The following ANXA2 variants were observed in gnomAD, a reference collection of about 807,000 sequenced individuals.
The protein encoded by ANXA2 is annexin A2.
In ANXA2, 28 loss-of-function variants were observed where a neutral mutation model predicts 47.3. The observed-to-expected ratio is 0.59, with a 90% CI of 0.44 to 0.81. The LOEUF (loss-of-function observed/expected upper bound fraction) is 0.81. Among genes scored for constraint, ANXA2 ranks in the 40% least tolerant of loss-of-function variants. The probability of loss-of-function intolerance (pLI) is 0.00; values close to 1 mark genes in which losing one functional copy is unlikely to be tolerated. For synonymous variants in ANXA2, 172 were observed against 155.5 expected (o/e 1.11, Z -0.79); for missense variants, 384 against 414.3 (o/e 0.93, Z 0.64).
intron 3 of ANXA2, among the ~76,000 whole-genome samples, chr15:60,373,025 G>A (rs942942078): frequency 6.6e-6 from 1 of 152,058 alleles, no homozygotes; most frequent in African/African-American, 2.4e-5. Context: ...AATTCCCTCT[G>A]AACCAGCCTT....
Position 60,349,210 on chromosome 15 carries a change from T to G in ANXA2, c.838-13A>C. The G allele has an allele frequency of 6.2e-7, 1 of 1,613,526 alleles. No individual in the cohort carries two copies. The highest frequency in any genetic ancestry group is 1.1e-5 in the South Asian group (1 of 91,048). The stretch of plus-strand genomic sequence containing the variant: ...GCGTCCCCTTGCCCTGAAAATCAAG[T>G]TGATATTTGTTACATTCGCTGAGAA... On this transcript the variant is annotated splice_polypyrimidine_tract_variant and intron_variant, in intron 11 of 12. Coordinates refer to ENST00000451270, the MANE Select transcript of ANXA2 (RefSeq NM_004039.3).
chr15:60,359,327 T>C (rs564046800), intron 5 of ANXA2, among the ~76,000 whole-genome samples: 1 of 152,316 alleles, frequency 6.6e-6, no homozygotes, highest in South Asian at 2.1e-4. Flanking sequence ...AATAGATTCT[T>C]GATGAAAATA....
chr15:60,368,414 A>G (rs1293780799), intron 3 of ANXA2, among the ~76,000 whole-genome samples: 1 of 152,140 alleles, frequency 6.6e-6, no homozygotes, highest in African/African-American at 2.4e-5. Flanking sequence ...TACAATATTG[A>G]AAAGTAAAGT....
intron 1 of ANXA2, among the ~76,000 whole-genome samples, chr15:60,387,669 T>C (rs1461408438): frequency 6.6e-6 from 1 of 152,182 alleles, no homozygotes; most frequent in Non-Finnish European, 1.5e-5. Flanking sequence ...CTATCTGATA[T>C]TGTAATGGTG....
intron 4 of ANXA2, among the ~76,000 whole-genome samples, chr15:60,363,841 T>C (rs1012696119): frequency 1.3e-5 from 2 of 152,220 alleles, no homozygotes; most frequent in Non-Finnish European, 2.9e-5. Flanking sequence ...TGGAGGCTAG[T>C]ATCCTAAAAT....
intron 12 of ANXA2, 88 bp downstream of exon 12, chr15:60,348,987 C>T (rs1166084748): frequency 4.0e-6 from 6 of 1,511,950 alleles, no homozygotes; most frequent in Non-Finnish European, 5.5e-6. Context: ...CAGAAAATCG[C>T]CACTCTGTCA....
At chr15:60,387,785 C>A (rs1379601463) in intron 1 of ANXA2, among the ~76,000 whole-genome samples, 1 of 152,160 alleles carries the variant, frequency 6.6e-6, no homozygotes, top group Non-Finnish European at 1.5e-5. Context: ...AATGTACCAC[C>A]CTGATACGGG....
chr15:60,347,681 A>C lies in ANXA2; in HGVS notation c.969T>G (p.Thr323=). Residue 323 remains threonine (T), a synonymous_variant, in exon 13 of 13, where the codon ACT becomes ACG. Coordinates refer to ENST00000451270, the MANE Select transcript of ANXA2 (RefSeq NM_004039.3). ...KSLYYYIQQD[T]KGDYQKALLY... ...GCAGCGCTTTCTGGTAGTCGCCCTT[A>C]GTGTCTTGCTACAATGGCCCAGGAA... is the stretch of plus-strand genomic sequence containing the variant. The C allele has an allele frequency of 6.2e-7, 1 of 1,614,138 alleles. No individual in the cohort carries two copies. Among genetic ancestry groups the C allele is most frequent in the Non-Finnish European group, 8.5e-7 (1 of 1,179,998 alleles).
chr15:60,381,494 T>G (rs535836520), intron 3 of ANXA2, among the ~76,000 whole-genome samples: 130 of 152,320 alleles, frequency 8.5e-4, no homozygotes, highest in Non-Finnish European at 1.3e-3. Context: ...CTGAACATCC[T>G]ATTTTGTAGA....
At chr15:60,391,474 G>A (rs143338718) in intron 1 of ANXA2, among the ~76,000 whole-genome samples, 298 of 152,292 alleles carry the variant, frequency 2.0e-3, no homozygotes, top group Non-Finnish European at 3.2e-3. Context: ...AATGAGCCAC[G>A]TCCAGTGGGG....
chr15:60,369,118 A>AC (rs1337132440), intron 3 of ANXA2, among the ~76,000 whole-genome samples: 1 of 152,038 alleles, frequency 6.6e-6, no homozygotes, highest in Non-Finnish European at 1.5e-5. Context: ...TTGAACAATG[A>AC]CCCCCCACTT....
intron 1 of ANXA2, chr15:60,394,546 A>G (rs1460116602): frequency 6.6e-6 from 1 of 152,094 alleles, no homozygotes. Flanking sequence ...TAAAAATACA[A>G]AGATTAGCCC....
chr15:60,382,693 T>C (rs1165885179), intron 2 of ANXA2: 7 of 325,026 alleles, frequency 2.2e-5, no homozygotes, highest in Non-Finnish European at 4.1e-5. Flanking sequence ...TTACTTTTAG[T>C]GAGAGATCAA....
At chr15:60,381,966 T>A (rs112477577) in intron 3 of ANXA2, among the ~76,000 whole-genome samples, 1 of 137,134 alleles carries the variant, frequency 7.3e-6, no homozygotes, top group African/African-American at 2.7e-5. Context: ...TAAAATACTA[T>A]CTCATGCTGT....
chr15:60,396,780 G>T (rs2063086035), intron 1 of ANXA2, among the ~76,000 whole-genome samples: 1 of 152,132 alleles, frequency 6.6e-6, no homozygotes, highest in East Asian at 1.9e-4. Context: ...TACAGTCTGG[G>T]GCCCAGGCCT....
chr15:60,390,386 A>G (rs1880707012), intron 1 of ANXA2: 6 of 671,130 alleles, frequency 8.9e-6, no homozygotes, highest in Admixed American at 2.2e-5. Flanking sequence ...GAACATTCCT[A>G]AAACCCACTG....
Position 60,349,190 on chromosome 15 carries a change from C to T in ANXA2, c.845G>A (p.Gly282Glu). The T allele has an allele frequency of 6.2e-7, 1 of 1,613,884 alleles. No individual in the cohort carries two copies. Among genetic ancestry groups the T allele is most frequent in the Non-Finnish European group, 8.5e-7 (1 of 1,179,848 alleles). The change falls in exon 12 of 13, where the codon GGG (glycine) becomes GAG (glutamate). Residue 282 changes from glycine to glutamate, a missense_variant. Physicochemically the swap from Gly to Glu is moderately conservative, Grantham distance 98. Coordinates refer to ENST00000451270, the MANE Select transcript of ANXA2 (RefSeq NM_004039.3). The part of the protein sequence containing the change: ...DRLYDSMKGK[G>E]TRDKVLIRIM... ...TCTGATCAGGACCTTATCTCGCGTC[C>T]CCTTGCCCTGAAAATCAAGTTGATA...
chr15:60,390,523 A>G (rs983029954), intron 1 of ANXA2: 7 of 476,992 alleles, frequency 1.5e-5, no homozygotes, highest in South Asian at 3.2e-5. Context: ...AGACTAAGGC[A>G]ATTTTCTGGA....
chr15:60,377,185 T>A (rs1407889696), intron 3 of ANXA2, among the ~76,000 whole-genome samples: 1 of 152,184 alleles, frequency 6.6e-6, no homozygotes, highest in Non-Finnish European at 1.5e-5. Flanking sequence ...GCAAAAGGCA[T>A]TCTAAAAAAA....
Sources: allele counts gnomAD v4.1 joint callset (sites outside exome capture counted in the v4.1 genomes callset), GRCh38; gene constraint gnomAD v4.1.1; transcripts MANE v1.5; gene names NCBI Gene and HGNC (gene_info 2026-07-23, HGNC 2026-07-21).